SPATA16: variants seen among roughly 807,000 people sequenced by gnomAD.
SPATA16 encodes spermatogenesis-associated protein 16.
A neutral mutation model predicts 63.3 loss-of-function variants in SPATA16; 36 were observed. The observed-to-expected ratio is 0.57, with a 90% CI of 0.44 to 0.75. SPATA16 has a LOEUF of 0.75. SPATA16 is among the 30% of genes least tolerant of loss of function. SPATA16 has a pLI of 0.00. For synonymous variants in SPATA16, 203 were observed against 216.7 expected, an observed-to-expected ratio of 0.94 and a Z score of 0.56; for missense variants, 646 against 679.3, an observed-to-expected ratio of 0.95 and a Z score of 0.54.
intron 4 of SPATA16, among the ~76,000 whole-genome samples, chr3:173,007,865 T>C (rs1466277836): frequency 1.3e-5 from 2 of 151,908 alleles, no homozygotes; most frequent in African/African-American, 4.8e-5. Context: ...CTCTTAGTGG[T>C]GAAAGGAAGC....
At chr3:173,055,309 C>T (rs2108297322) in intron 2 of SPATA16, among the ~76,000 whole-genome samples, 1 of 152,306 alleles carries the variant, frequency 6.6e-6, no homozygotes, top group African/African-American at 2.4e-5. Context: ...CTTATATTCA[C>T]ACAAAAATCT....
rs2108299807 is a variant in SPATA16 at position 173,059,785 on chromosome 3, C to T, written c.613-10691G>A. Among the ~76,000 whole-genome samples, 3 of 148,654 alleles carry T rather than the reference C, an allele frequency of 2.0e-5. No individual in the cohort carries two copies. In the Middle Eastern group the frequency reaches 0.011, roughly 523 times the overall value. ...ATGTTATGCATTTCTTTTCCCATCC[C>T]ACATAAATGAACTCCTCTGGATAAA... is the stretch of plus-strand genomic sequence containing the variant. On this transcript the variant is annotated intron_variant, in intron 2 of 10. Coordinates refer to ENST00000351008, the MANE Select transcript of SPATA16 (RefSeq NM_031955.6).
chr3:173,086,940 A>G (rs1476139034), intron 2 of SPATA16, among the ~76,000 whole-genome samples: 1 of 152,122 alleles, frequency 6.6e-6, no homozygotes, highest in African/African-American at 2.4e-5. Context: ...GGAGTGTTTT[A>G]TTTCCAATAA....
At chr3:173,129,397 GAA>G (rs1738310972) in intron 1 of SPATA16, among the ~76,000 whole-genome samples, 1 of 152,108 alleles carries the variant, frequency 6.6e-6, no homozygotes, top group Non-Finnish European at 1.5e-5. Flanking sequence ...CAAAAAACAT[GAA>G]TACTAACTAA....
chr3:173,055,797 T>C (rs1260796364), intron 2 of SPATA16, among the ~76,000 whole-genome samples: 1 of 152,208 alleles, frequency 6.6e-6, no homozygotes, highest in Non-Finnish European at 1.5e-5. Context: ...GCCTTGGTGT[T>C]AATATTCTAG....
intron 10 of SPATA16, among the ~76,000 whole-genome samples, chr3:172,896,361 T>C (rs1367947965): frequency 6.6e-6 from 1 of 152,128 alleles, no homozygotes; most frequent in Non-Finnish European, 1.5e-5. Flanking sequence ...GCTGGGACTA[T>C]AGGTGCCCGC....
At chr3:173,135,148 C>T (rs551777866) in intron 1 of SPATA16, among the ~76,000 whole-genome samples, 1 of 152,190 alleles carries the variant, frequency 6.6e-6, no homozygotes, top group South Asian at 2.1e-4. Context: ...GTGGGCTAAA[C>T]GTTTTAATAG....
chr3:173,087,998 TTTTCTTTCCGTCTTTCTTTC>T lies in SPATA16; in HGVS notation c.612+29102_612+29121del, dbSNP rs1203507746. 2.2e-4 allele frequency among the ~76,000 whole-genome samples: 32 copies of T among 146,380 alleles called. 2 individuals carry two copies. The highest frequency in any genetic ancestry group is 7.3e-4 in the African/African-American group (28 of 38,396). On this transcript the variant is annotated intron_variant, in intron 2 of 10. Transcript: ENST00000351008. The stretch of plus-strand genomic sequence containing the variant: ...ACCTTGGAGAATCTGATGATTAGCA[TTTTCTTTCCGTCTTTCTTTC>T]TTTCTTTCTTTCTTTCTTTCTTTCT...
chr3:172,903,872 G>A (rs146998932), intron 10 of SPATA16, among the ~76,000 whole-genome samples: 15 of 152,146 alleles, frequency 9.9e-5, no homozygotes, highest in African/African-American at 3.1e-4. Context: ...ACAGACAAAG[G>A]ATTCCCTGCC....
At chr3:173,071,036 A>G (rs1343732440) in intron 2 of SPATA16, among the ~76,000 whole-genome samples, 3 of 152,168 alleles carry the variant, frequency 2.0e-5, no homozygotes, top group Non-Finnish European at 2.9e-5. Flanking sequence ...AAAGCTGGAG[A>G]CGCCATATTG....
intron 4 of SPATA16, among the ~76,000 whole-genome samples, chr3:172,979,236 CAAAA>C (rs1163781304): frequency 6.8e-6 from 1 of 147,456 alleles, no homozygotes; most frequent in African/African-American, 2.5e-5. Context: ...GACTCTGTCT[CAAAA>C]AAAGAAAAAA....
At chr3:173,015,546 T>C (rs1336435262) in intron 4 of SPATA16, among the ~76,000 whole-genome samples, 3 of 152,250 alleles carry the variant, frequency 2.0e-5, no homozygotes, top group Non-Finnish European at 4.4e-5. Flanking sequence ...TCTTCACTAC[T>C]ATGAGCACAG....
chr3:172,910,038 A>G (rs1488211663), intron 10 of SPATA16, among the ~76,000 whole-genome samples: 1 of 149,624 alleles, frequency 6.7e-6, no homozygotes, highest in Non-Finnish European at 1.5e-5. Flanking sequence ...TATTTACTGT[A>G]CAAATGCAAT....
chr3:172,971,594 T>C (rs1267100461), intron 5 of SPATA16, among the ~76,000 whole-genome samples: 3 of 152,206 alleles, frequency 2.0e-5, no homozygotes, highest in African/African-American at 4.8e-5. Flanking sequence ...TTTTGTTCAC[T>C]CCTGTATCTC....
intron 5 of SPATA16, among the ~76,000 whole-genome samples, chr3:172,961,397 T>G (rs1733781578): frequency 6.6e-6 from 1 of 152,198 alleles, no homozygotes; most frequent in Middle Eastern, 3.2e-3. Context: ...GAGACTTTTC[T>G]AAAGGCTTTT....
rs57192452 is a variant in SPATA16 at position 173,129,034 on chromosome 3, C to G, written c.-18-11285G>C. Among the ~76,000 whole-genome samples, 6 of 152,354 alleles carry G rather than the reference C, an allele frequency of 3.9e-5. No individual in the cohort carries two copies. The East Asian group carries it at 1.2e-3, about 29-fold the overall frequency. On this transcript the variant is annotated intron_variant, in intron 1 of 10. Transcript: ENST00000351008. ...ACACTTTAAAGTCTAAATGGCTACT[C>G]TCTTGAAAAATACGTTTATAAGAAC... is the stretch of plus-strand genomic sequence containing the variant.
chr3:172,991,868 A>G (rs1734585325), intron 4 of SPATA16, among the ~76,000 whole-genome samples: 3 of 152,196 alleles, frequency 2.0e-5, no homozygotes, highest in Admixed American at 2.0e-4. Flanking sequence ...GTGGAATGCT[A>G]TGTGTATTGA....
At chr3:172,897,086 C>G (rs1464190819) in intron 10 of SPATA16, among the ~76,000 whole-genome samples, 1 of 152,018 alleles carries the variant, frequency 6.6e-6, no homozygotes, top group South Asian at 2.1e-4. Context: ...GCATTTAAGT[C>G]TATAACCTAA....
At chr3:173,012,971 G>A (rs1197627285) in intron 4 of SPATA16, among the ~76,000 whole-genome samples, 1 of 152,108 alleles carries the variant, frequency 6.6e-6, no homozygotes, top group Non-Finnish European at 1.5e-5. Flanking sequence ...CATCAACAGT[G>A]TAAACAGGCA....
Sources: allele counts gnomAD v4.1 joint callset (sites outside exome capture counted in the v4.1 genomes callset), GRCh38; gene constraint gnomAD v4.1.1; transcripts MANE v1.5; gene names NCBI Gene and HGNC (gene_info 2026-07-23, HGNC 2026-07-21).